The following ADK variants were observed in gnomAD, a reference collection of about 807,000 sequenced individuals.
ADK encodes adenosine kinase, also known as N6,N6-dimethyladenosine kinase.
A neutral mutation model predicts 44.7 loss-of-function variants in ADK; 24 were observed. That is an observed-to-expected ratio of 0.54 (90% CI 0.39 to 0.76). The LOEUF (loss-of-function observed/expected upper bound fraction) is 0.76, where lower values mean the gene tolerates loss of function less well. ADK is among the 30% of genes least tolerant of loss of function. The probability of loss-of-function intolerance (pLI) is 0.00; values close to 1 mark genes in which losing one functional copy is unlikely to be tolerated. For missense variants in ADK, 321 were observed against 425.1 expected (o/e 0.76, Z 2.15); for synonymous variants, 128 against 142.6 (o/e 0.90, Z 0.73).
intron 6 of ADK, among the ~76,000 whole-genome samples, chr10:74,438,649 G>T (rs1038662770): frequency 6.6e-5 from 10 of 152,090 alleles, no homozygotes; most frequent in African/African-American, 2.2e-4. Context: ...TGAGCATGTT[G>T]TAAGCAACCC....
chr10:74,496,104 TG>T (rs1564754341), intron 6 of ADK, among the ~76,000 whole-genome samples: 2 of 152,234 alleles, frequency 1.3e-5, no homozygotes, highest in Non-Finnish European at 2.9e-5. Context: ...GTTTATATTT[TG>T]GCATCAGAAA....
rs1850098996 is a variant in ADK at position 74,553,191 on chromosome 10, T to TTTTG, written c.726+27768_726+27769insGTTT. ...CAAGACAATTTTTCAGCACATTGTG[T>TTTTG]TTTTTTTTTTTTTTTTTTTTTTTTT... is the stretch of plus-strand genomic sequence containing the variant. On this transcript the variant is annotated intron_variant, in intron 7 of 10. Coordinates refer to ENST00000539909, the MANE Select transcript of ADK (RefSeq NM_006721.4). 1.4e-4 allele frequency among the ~76,000 whole-genome samples: 6 copies of TTTTG among 41,914 alleles called. 1 individual carries two copies. In the African/African-American group the frequency reaches 1.9e-3, roughly 13 times the overall value. The allele number at this position is 41,914 out of a possible 152,430, so 27.5% of individuals were successfully genotyped here. A position where few individuals can be genotyped will look rare whatever the true frequency, so the allele number is the denominator to read the frequency against.
At chr10:74,472,371 T>C (rs1846626129) in intron 6 of ADK, among the ~76,000 whole-genome samples, 2 of 152,162 alleles carry the variant, frequency 1.3e-5, no homozygotes, top group South Asian at 4.1e-4. Context: ...TATAAAAAGA[T>C]GTTGAATTTT....
intron 7 of ADK, among the ~76,000 whole-genome samples, chr10:74,586,845 G>A (rs114275771): frequency 0.047 from 6,883 of 145,026 alleles, 497 homozygotes; most frequent in African/African-American, 0.15. Context: ...CAAGAGCAAA[G>A]CTCTGTCTCA....
chr10:74,243,869 T>A (rs1253250310), intron 3 of ADK, among the ~76,000 whole-genome samples: 1 of 152,180 alleles, frequency 6.6e-6, no homozygotes, highest in East Asian at 1.9e-4. Flanking sequence ...AAATTTTTTT[T>A]AAACATAAAT....
chr10:74,445,140 C>T (rs1175984312), intron 6 of ADK, among the ~76,000 whole-genome samples: 1 of 151,790 alleles, frequency 6.6e-6, no homozygotes, highest in African/African-American at 2.4e-5. Context: ...AGATTTCTTA[C>T]CAAAAAAAAT....
At chr10:74,262,067 C>T (rs1846057126) in intron 3 of ADK, among the ~76,000 whole-genome samples, 1 of 152,026 alleles carries the variant, frequency 6.6e-6, no homozygotes, top group Non-Finnish European at 1.5e-5. Flanking sequence ...ACCTGTAATC[C>T]CAGTGCTTTG....
At chr10:74,305,697 T>A (rs182132559) in intron 3 of ADK, among the ~76,000 whole-genome samples, 1 of 152,234 alleles carries the variant, frequency 6.6e-6, no homozygotes, top group East Asian at 1.9e-4. Flanking sequence ...AATTTGGAAA[T>A]TTTTAAGCCA....
intron 4 of ADK, among the ~76,000 whole-genome samples, chr10:74,315,351 A>G (rs1840580970): frequency 6.6e-6 from 1 of 152,162 alleles, no homozygotes; most frequent in Non-Finnish European, 1.5e-5. Context: ...ATGCATCTAT[A>G]TATCTATACC....
At chr10:74,660,493 T>C (rs750090913) in intron 9 of ADK, among the ~76,000 whole-genome samples, 82 of 151,998 alleles carry the variant, frequency 5.4e-4, no homozygotes, top group Non-Finnish European at 9.3e-4. Flanking sequence ...ATCCCAACAC[T>C]TTGGGAGGCC....
At chr10:74,473,673 A>G (rs959104349) in intron 6 of ADK, among the ~76,000 whole-genome samples, 1 of 152,228 alleles carries the variant, frequency 6.6e-6, no homozygotes, top group Non-Finnish European at 1.5e-5. Flanking sequence ...TTCCCAATGT[A>G]TCACATCAAG....
chr10:74,207,903 G>A (rs889435752), intron 2 of ADK, among the ~76,000 whole-genome samples: 3 of 152,108 alleles, frequency 2.0e-5, no homozygotes. Context: ...CAGTGTGCAG[G>A]CTGTTGGTGA....
chr10:74,218,576 CA>C (rs1254102695), intron 2 of ADK, among the ~76,000 whole-genome samples: 4 of 151,996 alleles, frequency 2.6e-5, no homozygotes, highest in Non-Finnish European at 5.9e-5. Context: ...TCAGATTCAC[CA>C]AAGTTGAAAT....
intron 4 of ADK, among the ~76,000 whole-genome samples, chr10:74,346,394 A>G (rs1841766697): frequency 6.6e-6 from 1 of 152,208 alleles, no homozygotes; most frequent in Non-Finnish European, 1.5e-5. Context: ...ATCCTTTGTA[A>G]TTAATTAATT....
At chr10:74,341,233 A>G (rs550742232) in intron 4 of ADK, among the ~76,000 whole-genome samples, 6 of 152,010 alleles carry the variant, frequency 3.9e-5, no homozygotes, top group Non-Finnish European at 8.8e-5. Context: ...TACACTTGCC[A>G]TAGTATATCT....
At chr10:74,458,984 GA>G (rs970768350) in intron 6 of ADK, among the ~76,000 whole-genome samples, 37 of 151,660 alleles carry the variant, frequency 2.4e-4, no homozygotes, top group African/African-American at 5.8e-4. Flanking sequence ...TATATTCTAT[GA>G]AAAAAAAATT....
intron 4 of ADK, chr10:74,371,914 C>A: frequency 6.9e-7 from 1 of 1,444,716 alleles, no homozygotes; most frequent in Non-Finnish European, 9.6e-7. Context: ...GTTACTGACC[C>A]CAGGGCTGAC....
chr10:74,263,865 A>G (rs1308566335), intron 3 of ADK, among the ~76,000 whole-genome samples: 2 of 152,172 alleles, frequency 1.3e-5, no homozygotes, highest in Non-Finnish European at 2.9e-5. Flanking sequence ...TTTCACCTGT[A>G]TAGACTTGTA....
rs572735817 is a variant in ADK, at chr10:74,368,021, C to T, written c.274-26120C>T. Among the ~76,000 whole-genome samples the T allele has an allele frequency of 4.4e-4, 67 of 152,146 alleles. 1 individual carries two copies. The South Asian group carries it at 9.5e-3, about 22-fold the overall frequency. On this transcript the variant is annotated intron_variant, in intron 4 of 10. Coordinates refer to ENST00000539909, the MANE Select transcript of ADK (RefSeq NM_006721.4). ...GATGTAAATATAAATTGTTAAAATA[C>T]GGAATCTTTAAACAGAAACATACAT...
Sources: gnomAD v4.1 joint callset for allele counts (sites outside exome capture counted in the v4.1 genomes callset) on GRCh38, gnomAD v4.1.1 for gene constraint, MANE v1.5 for transcripts, NCBI Gene and HGNC (gene_info 2026-07-23, HGNC 2026-07-21) for gene names.